The following PLEKHG2 variants were observed in gnomAD, a reference collection of about 807,000 sequenced individuals.
PLEKHG2 encodes the protein pleckstrin homology and RhoGEF domain containing G2, also known as pleckstrin homology domain-containing family G member 2.
Under a neutral mutation model 104.4 loss-of-function variants are expected in PLEKHG2, and 71 were observed. The ratio of observed to expected loss-of-function variants is 0.68; its 90% CI spans 0.56 to 0.83. The LOEUF is 0.83. Among genes scored for constraint, PLEKHG2 ranks in the 40% least tolerant of loss-of-function variants. The probability of loss-of-function intolerance (pLI) is 0.00; values close to 1 mark genes in which losing one functional copy is unlikely to be tolerated. For missense variants in PLEKHG2, 1,730 were observed against 1,809.4 expected, an observed-to-expected ratio of 0.96 and a Z score of 0.80; for synonymous variants, 728 against 737.0, an observed-to-expected ratio of 0.99 and a Z score of 0.20.
At chr19:39,418,636 G>C in intron 9 of PLEKHG2, 98 bp from the exon 10 acceptor site, 1 of 923,948 alleles carries the variant, frequency 1.1e-6, no homozygotes, top group Admixed American at 2.2e-5. Context: ...CATCTTCCTA[G>C]GGAGGAGGAC....
chr19:39,417,082 C>G lies in PLEKHG2; in HGVS notation c.744+82C>G, dbSNP rs887031965. ...CCTGTTGGTTCATCTGGAGGATGGA[C>G]CCCCCACGAGTTGGGCAAGGCCTCC... On this transcript the variant is annotated intron_variant, in intron 7 of 18. Transcript: ENST00000425673. The G allele has an allele frequency of 2.7e-6, 4 of 1,456,468 alleles. No homozygotes were observed. In the African/African-American group the frequency reaches 5.7e-5, roughly 21 times the overall value. The allele number at this position is 1,456,468 out of a possible 1,614,324, so 90.2% of individuals were successfully genotyped here.
intron 11 of PLEKHG2, 71 bp downstream of exon 11, chr19:39,419,074 G>GCCC (rs2078656282): frequency 8.1e-6 from 11 of 1,357,560 alleles, no homozygotes; most frequent in Non-Finnish European, 1.1e-5. Flanking sequence ...ACTAAGAGAC[G>GCCC]CCCCTGCCCA....
In PLEKHG2 at chr19:39,418,028, C is replaced by G. The variant is rs2078636715; in HGVS notation, c.1006C>G (p.Leu336Val). 1.9e-6 allele frequency: 3 copies of G among 1,558,996 alleles called. No homozygotes were observed. The highest frequency in any genetic ancestry group is 2.3e-5 in the East Asian group (1 of 44,028). Residue 336 changes from leucine to valine, a missense_variant, in exon 9 of 19, where the codon CTG becomes GTG. Leu to Val is a conservative substitution (Grantham distance 32, BLOSUM62 1). Transcript: ENST00000425673. Reference sequence around the variant, plus strand: ...CCCCCGGCTACGAGGGGGTGAGCGGCTGCTCTTCCTGTTCTCTCGGATGCT... The same window carrying G: ...CCCCCGGCTACGAGGGGGTGAGCGGGTGCTCTTCCTGTTCTCTCGGATGCT... ...GGPRLRGGER[L>V]LFLFSRMLLV...
chr19:39,421,159 C>T, intron 15 of PLEKHG2, 46 bp downstream of exon 15: 1 of 1,613,916 alleles, frequency 6.2e-7, no homozygotes, highest in Middle Eastern at 1.7e-4. Flanking sequence ...TGTCTGTCGC[C>T]CGGTGGGATG....
chr19:39,416,218 C>A lies in PLEKHG2; in HGVS notation c.480-130C>A. On this transcript the variant is annotated intron_variant, in intron 4 of 18. Coordinates refer to ENST00000425673, the MANE Select transcript of PLEKHG2 (RefSeq NM_022835.3). This position sits in a 1 kb window ranked among gnomAD's most constrained non-coding sequence, Gnocchi z 4.5. ...AGGACCCTTCCTCCGGACATGACATCCCCTTAGGAGATGCTGGCAGTCAGC... is the reference window on the plus strand; with the variant it reads ...AGGACCCTTCCTCCGGACATGACATACCCTTAGGAGATGCTGGCAGTCAGC... The A allele has an allele frequency of 1.2e-6, 1 of 865,472 alleles. No homozygotes were observed. The highest frequency in any genetic ancestry group is 1.9e-6 in the Non-Finnish European group (1 of 527,850). 53.6% of individuals were successfully genotyped at this position (865,472 alleles called of 1,614,324 possible). A position where few individuals can be genotyped will look rare whatever the true frequency, so the allele number is the denominator to read the frequency against.
chr19:39,416,432 G>T lies in PLEKHG2; in HGVS notation c.546+18G>T. Reference sequence around the variant, plus strand: ...TGCAGAGGGTGAGTGGAGGGGTGGGGGGCTCTCGGTCCTGGATGGGGCCTT... The same window carrying T: ...TGCAGAGGGTGAGTGGAGGGGTGGGTGGCTCTCGGTCCTGGATGGGGCCTT... On this transcript the variant is annotated intron_variant, in intron 5 of 18. Coordinates refer to ENST00000425673, the MANE Select transcript of PLEKHG2 (RefSeq NM_022835.3). This position sits in a 1 kb window ranked among gnomAD's most constrained non-coding sequence, Gnocchi z 4.5. 1 of 1,613,014 alleles carries T rather than the reference G, an allele frequency of 6.2e-7. No homozygotes were observed. Among genetic ancestry groups the T allele is most frequent in the Non-Finnish European group, 8.5e-7 (1 of 1,179,604 alleles).
chr19:39,418,314 C>T (rs1600652781), intron 9 of PLEKHG2, among the ~76,000 whole-genome samples: 1 of 152,076 alleles, frequency 6.6e-6, no homozygotes, highest in East Asian at 1.9e-4. Flanking sequence ...CGTGGTGGCT[C>T]ATTCCTGTAA....
intron 17 of PLEKHG2, 40 bp from the exon 18 acceptor site, chr19:39,422,692 A>C: frequency 6.6e-7 from 1 of 1,506,150 alleles, no homozygotes; most frequent in South Asian, 1.4e-5. Context: ...CCCAGCTACC[A>C]TGCTGATATG....
chr19:39,416,449 T>G lies in PLEKHG2; in HGVS notation c.546+35T>G, dbSNP rs1168529354. ...GGGGTGGGGGGCTCTCGGTCCTGGA[T>G]GGGGCCTTTGTAGAGGGGGGAGAGC... On this transcript the variant is annotated intron_variant, in intron 5 of 18. Transcript: ENST00000425673. This position sits in a 1 kb window ranked among gnomAD's most constrained non-coding sequence, Gnocchi z 4.5. 2 of 1,547,570 alleles carry G rather than the reference T, an allele frequency of 1.3e-6. No individual in the cohort carries two copies. The highest frequency in any genetic ancestry group is 1.8e-6 in the Non-Finnish European group (2 of 1,135,190).
intron 2 of PLEKHG2, 60 bp from the exon 3 acceptor site, chr19:39,414,932 A>C: frequency 6.7e-7 from 1 of 1,498,200 alleles, no homozygotes; most frequent in South Asian, 1.3e-5. Context: ...AACGCATGAA[A>C]GGCTGTGGAA....
In PLEKHG2 at chr19:39,415,580, G is replaced by A; in HGVS notation, c.479+141G>A. ...TGGGCAAGGATCAGGGATCACGACT[G>A]GGAGGGAGGACCCCGAGTGAGGGAG... is the stretch of plus-strand genomic sequence containing the variant. On this transcript the variant is annotated intron_variant, in intron 4 of 18. Transcript: ENST00000425673. This position sits in a 1 kb window ranked among gnomAD's most constrained non-coding sequence, Gnocchi z 4.6. 1.0e-6 allele frequency: 1 copy of A among 969,618 alleles called. No homozygotes were observed. Among genetic ancestry groups the A allele is most frequent in the South Asian group, 1.6e-5 (1 of 62,814 alleles). The allele number at this position is 969,618 out of a possible 1,614,324, so 60.1% of individuals were successfully genotyped here. A position where few individuals can be genotyped will look rare whatever the true frequency, so the allele number is the denominator to read the frequency against.
chr19:39,425,519 A>G lies in PLEKHG2; in HGVS notation c.*225A>G, dbSNP rs1395854382. On this transcript the variant is annotated 3_prime_UTR_variant, in exon 19 of 19. Transcript: ENST00000425673. ...TTAATACTGATTCTTTCATGCAATG[A>G]TGTGTATTTTCCCATTCTGGAGGCT... 2 of 683,628 alleles carry G rather than the reference A, an allele frequency of 2.9e-6. No homozygotes were observed. Among genetic ancestry groups the G allele is most frequent in the African/African-American group, 1.9e-5 (1 of 53,394 alleles). The allele number at this position is 683,628 out of a possible 1,614,324, so 42.3% of individuals were successfully genotyped here.
chr19:39,420,860 C>T lies in PLEKHG2; in HGVS notation c.1399+8C>T, dbSNP rs781478471. On this transcript the variant is annotated splice_region_variant and intron_variant, in intron 13 of 18. Coordinates refer to ENST00000425673, the MANE Select transcript of PLEKHG2 (RefSeq NM_022835.3). ...CTGGGCGAAGGAACACAGGTAAAGG[C>T]GGTGGATCCCTGAGTCCCAGCCCTC... is the stretch of plus-strand genomic sequence containing the variant. 62 of 1,613,996 alleles carry T rather than the reference C, an allele frequency of 3.8e-5. No homozygotes were observed. Among genetic ancestry groups the T allele is most frequent in the Admixed American group, 3.3e-4 (20 of 59,998 alleles).
At chr19:39,418,143 A>T (rs1286598667) in intron 9 of PLEKHG2, 38 bp downstream of exon 9, 1 of 1,449,278 alleles carries the variant, frequency 6.9e-7, no homozygotes, top group Non-Finnish European at 9.1e-7. Flanking sequence ...AATACTACCT[A>T]CAAAGTATAT....
chr19:39,425,505 T>A lies in PLEKHG2; in HGVS notation c.*211T>A. ...TCATTAATGTTTTGTTAATACTGAT[T>A]CTTTCATGCAATGATGTGTATTTTC... On this transcript the variant is annotated 3_prime_UTR_variant, in exon 19 of 19. Transcript: ENST00000425673. The A allele has an allele frequency of 1.3e-6, 1 of 747,780 alleles. No homozygotes were observed. The highest frequency in any genetic ancestry group is 2.0e-6 in the Non-Finnish European group (1 of 508,678). 46.3% of individuals were successfully genotyped at this position (747,780 alleles called of 1,614,324 possible).
chr19:39,417,735 G>T (rs369003362), intron 8 of PLEKHG2, 43 bp downstream of exon 8: 1 of 1,584,342 alleles, frequency 6.3e-7, no homozygotes, highest in African/African-American at 1.3e-5. Flanking sequence ...GAGGGAGTGA[G>T]CGAGGGGGCC....
rs2277744 is a variant in PLEKHG2, at chr19:39,420,691, G to C, written c.1297+32G>C. 2.3e-4 allele frequency: 368 copies of C among 1,614,134 alleles called. 2 individuals carry two copies. The East Asian group carries it at 2.8e-3, about 12-fold the overall frequency. On this transcript the variant is annotated intron_variant, in intron 12 of 18. Coordinates refer to ENST00000425673, the MANE Select transcript of PLEKHG2 (RefSeq NM_022835.3). ...TGGGGCCTTGGGCTGGGAGGGTGTG[G>C]AAGTAGACGAATTACTTCCAAGAAA...
rs568493225 is a variant in PLEKHG2, at chr19:39,422,117, C to T, written c.1506C>T (p.His502=). Residue 502 remains histidine, a splice_region_variant and synonymous_variant, in exon 17 of 19, where the codon CAC becomes CAT. Transcript: ENST00000425673. ...TCCATTGCTTTCCCTCCTCACAGCA[C>T]GCTGGCAGCGAAGGGGAACTCTACC... ...FPQNAKPGFK[H]AGSEGELYPP... The T allele has an allele frequency of 1.7e-5, 28 of 1,607,770 alleles. No individual in the cohort carries two copies. The highest frequency in any genetic ancestry group is 7.8e-5 in the South Asian group (7 of 89,994).
Position 39,422,229 on chromosome 19 carries a change from A to C in PLEKHG2, c.1618A>C (p.Thr540Pro). Reference sequence around the variant, plus strand: ...ACCCCCAACACTGGACCCCTCTGGGACCTCAATCACTGAAGAAATCCTGGA... The same window carrying C: ...ACCCCCAACACTGGACCCCTCTGGGCCCTCAATCACTGAAGAAATCCTGGA... The part of the protein sequence containing the change: ...AGPPTLDPSG[T>P]SITEEILELL... Residue 540 changes from threonine to proline, a missense_variant, in exon 17 of 19, where the codon ACC (threonine) becomes CCC (proline). By Grantham distance (38) the Thr-to-Pro change is conservative. Coordinates refer to ENST00000425673, the MANE Select transcript of PLEKHG2 (RefSeq NM_022835.3). 6.2e-7 allele frequency: 1 copy of C among 1,613,794 alleles called. No individual in the cohort carries two copies. Among genetic ancestry groups the C allele is most frequent in the Non-Finnish European group, 8.5e-7 (1 of 1,179,928 alleles).
Sources: gnomAD v4.1 joint callset for allele counts (sites outside exome capture counted in the v4.1 genomes callset) on GRCh38, gnomAD v4.1.1 for gene constraint, Gnocchi (gnomAD v3.1) non-coding constraint, MANE v1.5 for transcripts, NCBI Gene and HGNC (gene_info 2026-07-23, HGNC 2026-07-21) for gene names.